Variants in SEMA5A observed in about 807,000 individuals in gnomAD.
SEMA5A encodes semaphorin 5A.
Under a neutral mutation model 135.5 loss-of-function variants are expected in SEMA5A, and 55 were observed. That is an observed-to-expected ratio of 0.41 (90% CI 0.33 to 0.51). The LOEUF is 0.51. Ranked by LOEUF, SEMA5A falls within the 20% of genes least tolerant of loss-of-function variation. The pLI is 0.37. For synonymous variants in SEMA5A, 580 were observed against 546.5 expected (o/e 1.06, Z -0.85); for missense variants, 1,290 against 1,419.9 (o/e 0.91, Z 1.47).
chr5:9,337,619 T>C lies in SEMA5A; in HGVS notation c.224+94A>G, dbSNP rs990382637. The C allele has an allele frequency of 8.1e-6, 6 of 741,110 alleles. No homozygotes were observed. In the African/African-American group the frequency reaches 8.8e-5, roughly 11 times the overall value. 45.9% of individuals were successfully genotyped at this position (741,110 alleles called of 1,614,324 possible). A position where few individuals can be genotyped will look rare whatever the true frequency, so the allele number is the denominator to read the frequency against. On this transcript the variant is annotated intron_variant, in intron 4 of 22. Transcript: ENST00000382496. ...TTATAAGAAATAATATTATTCAGCA[T>C]TCTTCAGTTTTGTCAGTGAAGGTCA...
At chr5:9,422,063 C>T (rs1757489022) in intron 2 of SEMA5A, among the ~76,000 whole-genome samples, 1 of 152,180 alleles carries the variant, frequency 6.6e-6, no homozygotes, top group African/African-American at 2.4e-5. Flanking sequence ...AGAAAATTCT[C>T]GTTCTGCAAT....
chr5:9,096,563 T>TGTGTGTGTGC (rs1395939930), intron 16 of SEMA5A, among the ~76,000 whole-genome samples: 2 of 150,526 alleles, frequency 1.3e-5, no homozygotes, highest in African/African-American at 4.9e-5. Context: ...ACTGTGTGTG[T>TGTGTGTGTGC]GTGTGTGTGT....
intron 16 of SEMA5A, among the ~76,000 whole-genome samples, chr5:9,070,022 G>A (rs777578733): frequency 1.3e-5 from 2 of 152,042 alleles, no homozygotes; most frequent in Non-Finnish European, 2.9e-5. Context: ...CCCTCACTCC[G>A]AGCCAGCCTG....
At chr5:9,252,416 AC>A (rs1748845996) in intron 5 of SEMA5A, among the ~76,000 whole-genome samples, 1 of 152,176 alleles carries the variant, frequency 6.6e-6, no homozygotes, top group Admixed American at 6.5e-5. Flanking sequence ...AATTATCCAA[AC>A]CCACTTGAAA....
chr5:9,253,951 T>G (rs974899252), intron 5 of SEMA5A, among the ~76,000 whole-genome samples: 1 of 152,182 alleles, frequency 6.6e-6, no homozygotes, highest in Non-Finnish European at 1.5e-5. Context: ...TGCTCCTCCA[T>G]GCCTAACATC....
intron 2 of SEMA5A, among the ~76,000 whole-genome samples, chr5:9,390,558 T>C (rs192656986): frequency 6.6e-6 from 1 of 152,334 alleles, no homozygotes; most frequent in East Asian, 1.9e-4. Flanking sequence ...TCTGATCTGA[T>C]GTTTTCAGAT....
chr5:9,509,308 C>T (rs935647657), intron 1 of SEMA5A, among the ~76,000 whole-genome samples: 8 of 151,900 alleles, frequency 5.3e-5, no homozygotes, highest in African/African-American at 1.9e-4. Flanking sequence ...GAGTTTTGCT[C>T]TTGTTGCCCA....
intron 15 of SEMA5A, among the ~76,000 whole-genome samples, chr5:9,114,290 G>T (rs180749837): frequency 2.4e-4 from 36 of 152,346 alleles, no homozygotes; most frequent in African/African-American, 8.7e-4. Context: ...GTTATCAGGG[G>T]TTGGGAGGAG....
intron 2 of SEMA5A, among the ~76,000 whole-genome samples, chr5:9,394,336 G>A (rs903171780): frequency 1.1e-4 from 17 of 152,134 alleles, no homozygotes; most frequent in African/African-American, 4.1e-4. Flanking sequence ...CATTTACCAT[G>A]TGAGAAGCAA....
chr5:9,323,634 G>A lies in SEMA5A; in HGVS notation c.225-5217C>T, dbSNP rs527673388. ...TTTTTAAGGCACAGAGTTGGTAGGTGCTTTTAAATGTTTCTTTTTTTCCTT... is the reference window on the plus strand; with the variant it reads ...TTTTTAAGGCACAGAGTTGGTAGGTACTTTTAAATGTTTCTTTTTTTCCTT... On this transcript the variant is annotated intron_variant, in intron 4 of 22. Coordinates refer to ENST00000382496, the MANE Select transcript of SEMA5A (RefSeq NM_003966.3). Among the ~76,000 whole-genome samples the A allele has an allele frequency of 4.2e-5, 6 of 143,842 alleles. No individual in the cohort carries two copies. The South Asian group carries it at 1.4e-3, about 32-fold the overall frequency. The allele number at this position is 143,842 out of a possible 152,430, so 94.4% of individuals were successfully genotyped here. A position where few individuals can be genotyped will look rare whatever the true frequency, so the allele number is the denominator to read the frequency against.
intron 2 of SEMA5A, among the ~76,000 whole-genome samples, chr5:9,427,581 C>G (rs570332036): frequency 6.6e-6 from 1 of 152,084 alleles, no homozygotes; most frequent in African/African-American, 2.4e-5. Flanking sequence ...ATCCCTGTGC[C>G]GGGCTGATGA....
chr5:9,231,607 A>G (rs1747636840), intron 6 of SEMA5A, among the ~76,000 whole-genome samples: 1 of 152,066 alleles, frequency 6.6e-6, no homozygotes, highest in African/African-American at 2.4e-5. Flanking sequence ...AATCTCTGTT[A>G]CAAACGTGGC....
At chr5:9,452,568 C>T (rs1481140747) in intron 1 of SEMA5A, among the ~76,000 whole-genome samples, 2 of 152,168 alleles carry the variant, frequency 1.3e-5, no homozygotes, top group African/African-American at 4.8e-5. Flanking sequence ...ATTATTAAGG[C>T]TATGTTGAAA....
chr5:9,396,066 C>T (rs577856749), intron 2 of SEMA5A, among the ~76,000 whole-genome samples: 1 of 152,246 alleles, frequency 6.6e-6, no homozygotes, highest in Non-Finnish European at 1.5e-5. Flanking sequence ...CCGTGTATCA[C>T]AATAAATGAC....
chr5:9,201,850 A>T, intron 9 of SEMA5A, 105 bp downstream of exon 9: 1 of 1,130,728 alleles, frequency 8.8e-7, no homozygotes, highest in Non-Finnish European at 1.3e-6. Flanking sequence ...GTAAATTAAG[A>T]AAGATTTTCT....
chr5:9,068,280 C>T (rs1737583776), intron 16 of SEMA5A, among the ~76,000 whole-genome samples: 1 of 152,166 alleles, frequency 6.6e-6, no homozygotes, highest in Admixed American at 6.5e-5. Flanking sequence ...GTCTGTAGAC[C>T]TGGTCAGATC....
At chr5:9,054,662 C>T (rs1463985997) in intron 18 of SEMA5A, among the ~76,000 whole-genome samples, 1 of 152,188 alleles carries the variant, frequency 6.6e-6, no homozygotes, top group African/African-American at 2.4e-5. Flanking sequence ...CCAGCTCTCA[C>T]CTTTGCCATC....
intron 4 of SEMA5A, among the ~76,000 whole-genome samples, chr5:9,333,629 A>G (rs1753256676): frequency 6.6e-6 from 1 of 152,202 alleles, no homozygotes; most frequent in South Asian, 2.1e-4. Flanking sequence ...ATAATCTTCT[A>G]TACAAAAACC....
At chr5:9,374,492 C>G (rs142366193) in intron 3 of SEMA5A, among the ~76,000 whole-genome samples, 3 of 152,206 alleles carry the variant, frequency 2.0e-5, no homozygotes, top group East Asian at 1.9e-4. Flanking sequence ...AGTGTTTCAT[C>G]CTACTTTCTC....
Sources: allele counts gnomAD v4.1 joint callset (sites outside exome capture counted in the v4.1 genomes callset), GRCh38; gene constraint gnomAD v4.1.1; transcripts MANE v1.5; gene names NCBI Gene and HGNC (gene_info 2026-07-23, HGNC 2026-07-21).